RHOA: variants seen among roughly 807,000 people sequenced by gnomAD.
RHOA encodes ras homolog family member A.
A neutral mutation model predicts 17.5 loss-of-function variants in RHOA; 3 were observed. That is an observed-to-expected ratio of 0.17 (90% CI 0.08 to 0.44). RHOA has a LOEUF of 0.44. Among genes scored for constraint, RHOA ranks in the 20% least tolerant of loss-of-function variants. The probability of loss-of-function intolerance (pLI) is 0.99; values close to 1 mark genes in which losing one functional copy is unlikely to be tolerated. For missense variants in RHOA, 56 were observed against 242.3 expected (o/e 0.23, Z 5.10); for synonymous variants, 98 against 88.4 (o/e 1.11, Z -0.61).
chr3:49,400,974 A>G (rs367772065), intron 1 of RHOA, among the ~76,000 whole-genome samples: 1,640 of 133,870 alleles, frequency 0.012, 29 homozygotes, highest in Middle Eastern at 0.049. Context: ...TGAACCCGGG[A>G]GGCAGAACTT....
intron 1 of RHOA, among the ~76,000 whole-genome samples, chr3:49,382,139 G>C (rs2048328275): frequency 6.6e-6 from 1 of 151,558 alleles, no homozygotes; most frequent in Admixed American, 6.6e-5. Flanking sequence ...CTAACATAGT[G>C]AAATCCCGTC....
intron 2 of RHOA, among the ~76,000 whole-genome samples, chr3:49,374,782 T>C (rs983951867): frequency 2.0e-5 from 3 of 151,544 alleles, no homozygotes; most frequent in African/African-American, 4.8e-5. Context: ...CAAATACATA[T>C]GAATGTAAAC....
intron 3 of RHOA, chr3:49,366,948 A>T (rs2048066058): frequency 6.6e-6 from 1 of 152,070 alleles, no homozygotes; most frequent in Non-Finnish European, 1.5e-5. Context: ...CAAGTTTATT[A>T]ATAGATACCT....
intron 1 of RHOA, among the ~76,000 whole-genome samples, chr3:49,408,504 T>C (rs561203780): frequency 6.6e-6 from 1 of 152,278 alleles, no homozygotes; most frequent in Non-Finnish European, 1.5e-5. Context: ...CAGTGCCTGA[T>C]TTTCAGTCAC....
intron 3 of RHOA, among the ~76,000 whole-genome samples, chr3:49,367,178 T>C (rs1195799727): frequency 6.6e-6 from 1 of 151,170 alleles, no homozygotes; most frequent in Non-Finnish European, 1.5e-5. Context: ...CCATCTCTAC[T>C]AAAAAATACA....
intron 1 of RHOA, among the ~76,000 whole-genome samples, chr3:49,389,084 G>A (rs371350318): frequency 6.6e-6 from 1 of 152,160 alleles, no homozygotes; most frequent in African/African-American, 2.4e-5. Context: ...GCTCACGCCT[G>A]TAATCCCAGC....
intron 1 of RHOA, among the ~76,000 whole-genome samples, chr3:49,394,475 T>C (rs1253932665): frequency 6.6e-6 from 1 of 152,136 alleles, no homozygotes; most frequent in East Asian, 1.9e-4. Flanking sequence ...ATCAGCCTCA[T>C]GAGTAACTAG....
At chr3:49,366,568 A>T (rs1239485456) in intron 3 of RHOA, 2 of 152,092 alleles carry the variant, frequency 1.3e-5, no homozygotes, top group African/African-American at 4.8e-5. Flanking sequence ...GTGCCACTCA[A>T]CTCCAGCCTG....
At chr3:49,388,656 A>T (rs1221892819) in intron 1 of RHOA, among the ~76,000 whole-genome samples, 1 of 152,174 alleles carries the variant, frequency 6.6e-6, no homozygotes, top group Non-Finnish European at 1.5e-5. Flanking sequence ...ATGCTTACTC[A>T]CATTTGTCTG....
chr3:49,409,040 G>A (rs946734150), intron 1 of RHOA, among the ~76,000 whole-genome samples: 11 of 150,630 alleles, frequency 7.3e-5, no homozygotes, highest in Non-Finnish European at 1.2e-4. Context: ...CGCCCGCCTC[G>A]GCCTCCCAAA....
intron 1 of RHOA, among the ~76,000 whole-genome samples, chr3:49,410,885 T>G (rs1233663842): frequency 6.6e-6 from 1 of 152,184 alleles, no homozygotes; most frequent in Non-Finnish European, 1.5e-5. Flanking sequence ...AAATCAGAAC[T>G]ATTAAAAAAC....
Position 49,405,937 on chromosome 3 carries a change from G to A in RHOA, c.-3+5883C>T, listed in dbSNP as rs564002949. On this transcript the variant is annotated intron_variant, in intron 1 of 4. Transcript: ENST00000418115. ...TGACCTCAGGTGACCCACCCACCTC[G>A]GCCTCCCAAAGTGCTGGGATAACTG... Among the ~76,000 whole-genome samples, 53 of 152,186 alleles carry A rather than the reference G, an allele frequency of 3.5e-4. 1 individual carries two copies. Among genetic ancestry groups the A allele is most frequent in the South Asian group, 6.2e-4 (3 of 4,814 alleles).
chr3:49,400,039 G>A (rs1288273423), intron 1 of RHOA, among the ~76,000 whole-genome samples: 36 of 151,540 alleles, frequency 2.4e-4, no homozygotes, highest in Admixed American at 2.1e-3. Flanking sequence ...GGTGAAACCC[G>A]TCTCTACTAA....
rs1359255674 is a variant in RHOA at position 49,359,329 on chromosome 3, A to C, written c.*880T>G. ...GAATTAGAGCCAGATGCTTAAGTCCAGGTGAGACAGGTTATGCCATCTTCC... is the reference window on the plus strand; with the variant it reads ...GAATTAGAGCCAGATGCTTAAGTCCCGGTGAGACAGGTTATGCCATCTTCC... On this transcript the variant is annotated 3_prime_UTR_variant, in exon 5 of 5. Coordinates refer to ENST00000418115, the MANE Select transcript of RHOA (RefSeq NM_001664.4). 5.3e-6 allele frequency: 1 copy of C among 189,838 alleles called. No homozygotes were observed. Among genetic ancestry groups the C allele is most frequent in the African/African-American group, 2.3e-5 (1 of 42,830 alleles). 11.8% of individuals were successfully genotyped at this position (189,838 alleles called of 1,614,324 possible).
Position 49,368,642 on chromosome 3 carries a change from G to A in RHOA, c.157-94C>T, listed in dbSNP as rs2048096945. ...CTTACCATAGTACATTGAAATGGCA[G>A]ACCATTGAAATGGCAGACGGTCTAA... On this transcript the variant is annotated intron_variant, in intron 2 of 4. Transcript: ENST00000418115. The A allele has an allele frequency of 5.1e-6, 7 of 1,384,570 alleles. No homozygotes were observed. The Admixed American group carries it at 1.3e-4, about 26-fold the overall frequency. 85.8% of individuals were successfully genotyped at this position (1,384,570 alleles called of 1,614,324 possible).
intron 1 of RHOA, among the ~76,000 whole-genome samples, chr3:49,378,335 C>T (rs2048266824): frequency 6.9e-6 from 1 of 145,248 alleles, no homozygotes; most frequent in South Asian, 2.2e-4. Flanking sequence ...CAATCTCCAC[C>T]TCCGAGGCTC....
chr3:49,360,950 G>A (rs1351221389), intron 4 of RHOA: 2 of 363,304 alleles, frequency 5.5e-6, no homozygotes, highest in East Asian at 1.3e-4. Context: ...GTGGGCGCCT[G>A]TAACCCCAGC....
At chr3:49,386,595 T>G (rs1331653979) in intron 1 of RHOA, among the ~76,000 whole-genome samples, 2 of 152,164 alleles carry the variant, frequency 1.3e-5, no homozygotes, top group African/African-American at 4.8e-5. Context: ...CTTACCCTCC[T>G]TCCTTCCCCG....
At chr3:49,393,237 CTTCTT>C (rs2048539593) in intron 1 of RHOA, among the ~76,000 whole-genome samples, 1 of 152,006 alleles carries the variant, frequency 6.6e-6, no homozygotes, top group Non-Finnish European at 1.5e-5. Flanking sequence ...TTTACGCTTC[CTTCTT>C]AGTCACTCTG....
Sources: gnomAD v4.1 joint callset for allele counts (sites outside exome capture counted in the v4.1 genomes callset) on GRCh38, gnomAD v4.1.1 for gene constraint, MANE v1.5 for transcripts, NCBI Gene and HGNC (gene_info 2026-07-23, HGNC 2026-07-21) for gene names.